Variants in ROBO2 observed in about 807,000 individuals in gnomAD.
ROBO2 encodes roundabout homolog 2.
In ROBO2, 53 loss-of-function variants were observed where a neutral mutation model predicts 160.8. That is an observed-to-expected ratio of 0.33 (90% CI 0.26 to 0.41). ROBO2 has a LOEUF of 0.41. Ranked by LOEUF, ROBO2 falls within the 10% of genes least tolerant of loss-of-function variation. The pLI is 1.00. For synonymous variants in ROBO2, 664 were observed against 611.7 expected (o/e 1.09, Z -1.26); for missense variants, 1,577 against 1,722.4 (o/e 0.92, Z 1.49).
intron 2 of ROBO2, among the ~76,000 whole-genome samples, chr3:76,130,523 CA>C (rs1452564705): frequency 6.6e-6 from 1 of 152,040 alleles, no homozygotes; most frequent in Non-Finnish European, 1.5e-5. Context: ...CGCATACACT[CA>C]CACACATATC....
intron 2 of ROBO2, among the ~76,000 whole-genome samples, chr3:76,405,000 G>A (rs892504017): frequency 6.6e-6 from 1 of 151,608 alleles, no homozygotes; most frequent in Non-Finnish European, 1.5e-5. Context: ...TCTTCCCAGA[G>A]CTTTCATTTT....
intron 2 of ROBO2, among the ~76,000 whole-genome samples, chr3:76,122,910 GCTAA>G (rs1479201024): frequency 2.0e-5 from 3 of 152,060 alleles, no homozygotes; most frequent in South Asian, 2.1e-4. Context: ...ACCACATCCG[GCTAA>G]CTTTTTGTAT....
intron 2 of ROBO2, among the ~76,000 whole-genome samples, chr3:76,517,604 GTATGT>G (rs1416207966): frequency 6.6e-6 from 1 of 152,180 alleles, no homozygotes; most frequent in African/African-American, 2.4e-5. Flanking sequence ...TCATGCCTAA[GTATGT>G]TATATCAATT....
At chr3:76,434,958 G>A in intron 2 of ROBO2, 1 of 1,597,948 alleles carries the variant, frequency 6.3e-7, no homozygotes, top group Non-Finnish European at 8.6e-7. Flanking sequence ...GAAGGAGCCA[G>A]CTGTACTTGA....
chr3:77,217,907 C>T (rs968075838), intron 2 of ROBO2, among the ~76,000 whole-genome samples: 1 of 152,158 alleles, frequency 6.6e-6, no homozygotes, highest in Non-Finnish European at 1.5e-5. Context: ...TGAAATATTA[C>T]AGACAGGAGT....
intron 2 of ROBO2, among the ~76,000 whole-genome samples, chr3:76,013,952 C>T (rs1399878115): frequency 1.3e-5 from 2 of 151,638 alleles, no homozygotes; most frequent in African/African-American, 4.9e-5. Flanking sequence ...GGGGTGTATG[C>T]GTGTAATCCC....
intron 2 of ROBO2, among the ~76,000 whole-genome samples, chr3:77,149,011 T>C (rs1244891639): frequency 6.6e-6 from 1 of 151,496 alleles, no homozygotes; most frequent in East Asian, 2.0e-4. Context: ...AGTTCATTAA[T>C]TGAAAGCTTG....
At chr3:77,497,325 C>G (rs975833514) in intron 5 of ROBO2, among the ~76,000 whole-genome samples, 1 of 151,996 alleles carries the variant, frequency 6.6e-6, no homozygotes, top group Non-Finnish European at 1.5e-5. Context: ...GAGGAACAAG[C>G]AAGTGAAAGG....
intron 2 of ROBO2, among the ~76,000 whole-genome samples, chr3:76,055,238 C>G (rs2067797282): frequency 1.3e-5 from 2 of 152,148 alleles, no homozygotes; most frequent in South Asian, 4.1e-4. Flanking sequence ...CCTCCCACAA[C>G]CTGTGGGGAT....
chr3:76,391,918 T>C (rs1000678409), intron 2 of ROBO2, among the ~76,000 whole-genome samples: 5 of 152,164 alleles, frequency 3.3e-5, no homozygotes, highest in African/African-American at 1.2e-4. Context: ...AAGTTTGTTG[T>C]TTAAAACAAG....
intron 2 of ROBO2, among the ~76,000 whole-genome samples, chr3:77,122,935 A>C (rs2074925187): frequency 6.6e-6 from 1 of 152,016 alleles, no homozygotes; most frequent in African/African-American, 2.4e-5. Flanking sequence ...CTCCCTAGTA[A>C]GTCTGGGAAT....
At chr3:76,347,957 G>C (rs937214328) in intron 2 of ROBO2, among the ~76,000 whole-genome samples, 1 of 152,144 alleles carries the variant, frequency 6.6e-6, no homozygotes, top group Non-Finnish European at 1.5e-5. Flanking sequence ...AAGAATGACG[G>C]ATGAAGTCTA....
At chr3:77,054,454 C>T (rs2149713502) in intron 1 of ROBO2, among the ~76,000 whole-genome samples, 1 of 152,210 alleles carries the variant, frequency 6.6e-6, no homozygotes, top group Non-Finnish European at 1.5e-5. Context: ...GGTCTTCCTT[C>T]CAGTAGAAGA....
intron 2 of ROBO2, among the ~76,000 whole-genome samples, chr3:76,562,295 T>G (rs1227133745): frequency 6.6e-6 from 1 of 152,028 alleles, no homozygotes; most frequent in African/African-American, 2.4e-5. Flanking sequence ...ATACTTCCTA[T>G]AATACCTGGA....
chr3:76,665,295 T>C (rs1437782891), intron 2 of ROBO2, among the ~76,000 whole-genome samples: 1 of 152,106 alleles, frequency 6.6e-6, no homozygotes, highest in African/African-American at 2.4e-5. Flanking sequence ...AAATCCTCAA[T>C]AGCAAAGGAG....
rs552439080 is a variant in ROBO2, at chr3:76,229,047, T to C, written c.109+291445T>C. 2.1e-4 allele frequency among the ~76,000 whole-genome samples: 32 copies of C among 152,248 alleles called. 1 individual carries two copies. In the South Asian group the frequency reaches 6.6e-3, roughly 32 times the overall value. On this transcript the variant is annotated intron_variant, in intron 2 of 26. Transcript: ENST00000487694. ...CTTAAAAAAGAAAAGAAATAAGATA[T>C]CTTAAATAAAATCTTTCCTCTTCTC... is the stretch of plus-strand genomic sequence containing the variant.
intron 2 of ROBO2, among the ~76,000 whole-genome samples, chr3:77,398,494 GA>G (rs1008188272): frequency 6.6e-6 from 1 of 152,012 alleles, no homozygotes; most frequent in African/African-American, 2.4e-5. Context: ...TACTTACATG[GA>G]AAAAAATCAT....
At chr3:76,755,092 TTATTAGA>T (rs1394312792) in intron 2 of ROBO2, among the ~76,000 whole-genome samples, 1 of 151,884 alleles carries the variant, frequency 6.6e-6, no homozygotes, top group African/African-American at 2.4e-5. Context: ...AATTTTATGT[TTATTAGA>T]AATAGTTTGA....
intron 2 of ROBO2, among the ~76,000 whole-genome samples, chr3:77,319,001 T>A (rs1394165879): frequency 6.6e-6 from 1 of 152,180 alleles, no homozygotes; most frequent in South Asian, 2.1e-4. Context: ...ATCTGGCAGA[T>A]CCGTCTTCTA....
Sources: allele counts gnomAD v4.1 joint callset (sites outside exome capture counted in the v4.1 genomes callset), GRCh38; gene constraint gnomAD v4.1.1; transcripts MANE v1.5; gene names NCBI Gene and HGNC (gene_info 2026-07-23, HGNC 2026-07-21).